The following CPQ variants were observed in gnomAD, a reference collection of about 807,000 sequenced individuals.
CPQ encodes Ser-Met dipeptidase.
A neutral mutation model predicts 45.7 loss-of-function variants in CPQ; 37 were observed. The ratio of observed to expected loss-of-function variants is 0.81; its 90% CI spans 0.62 to 1.07. CPQ has a LOEUF of 1.07. CPQ is among the 50% of genes least tolerant of loss of function. The pLI is 0.00. For synonymous variants in CPQ, 186 were observed against 205.8 expected, an observed-to-expected ratio of 0.90 and a Z score of 0.82; for missense variants, 537 against 572.9, an observed-to-expected ratio of 0.94 and a Z score of 0.64.
At chr8:96,664,568 T>G (rs1044449869) in intron 1 of CPQ, among the ~76,000 whole-genome samples, 12 of 152,178 alleles carry the variant, frequency 7.9e-5, no homozygotes, top group African/African-American at 2.7e-4. Context: ...CAGCCTTAGT[T>G]TATAGTGGCA....
chr8:96,922,466 T>C (rs1477844905), intron 4 of CPQ, among the ~76,000 whole-genome samples: 7 of 152,188 alleles, frequency 4.6e-5, no homozygotes, highest in African/African-American at 2.4e-5. Flanking sequence ...CTAATTTGTT[T>C]CTCTCTTTTG....
chr8:97,092,213 A>G (rs1454315735), intron 7 of CPQ: 1 of 152,312 alleles, frequency 6.6e-6, no homozygotes, highest in Non-Finnish European at 1.5e-5. Flanking sequence ...ATTTAGTTTT[A>G]ACACCCACTA....
At chr8:96,864,602 G>A (rs552034644) in intron 3 of CPQ, among the ~76,000 whole-genome samples, 2 of 112,508 alleles carry the variant, frequency 1.8e-5, no homozygotes, top group South Asian at 7.3e-4. Flanking sequence ...AAGATTATAG[G>A]AAACCCAAAA....
At chr8:96,793,262 C>T (rs1010764922) in intron 2 of CPQ, among the ~76,000 whole-genome samples, 1 of 152,010 alleles carries the variant, frequency 6.6e-6, no homozygotes, top group African/African-American at 2.4e-5. Context: ...AAAGACATAC[C>T]CAAGACTGGG....
chr8:96,756,334 A>T (rs10955083), intron 1 of CPQ, among the ~76,000 whole-genome samples: 1 of 151,848 alleles, frequency 6.6e-6, no homozygotes, highest in Non-Finnish European at 1.5e-5. Context: ...AGCATTCTCT[A>T]TGTCTTCCTT....
intron 7 of CPQ, among the ~76,000 whole-genome samples, chr8:97,108,093 C>A (rs1350372042): frequency 6.6e-6 from 1 of 152,184 alleles, no homozygotes; most frequent in Non-Finnish European, 1.5e-5. Flanking sequence ...ATTAAGAATG[C>A]CTTGCCAGTG....
At chr8:96,942,721 T>A (rs944721961) in intron 4 of CPQ, among the ~76,000 whole-genome samples, 1 of 152,106 alleles carries the variant, frequency 6.6e-6, no homozygotes, top group Non-Finnish European at 1.5e-5. Context: ...AACAAAAACA[T>A]GTAGATTCCT....
chr8:96,747,006 T>C (rs1343985150), intron 1 of CPQ, among the ~76,000 whole-genome samples: 1 of 152,118 alleles, frequency 6.6e-6, no homozygotes, highest in Non-Finnish European at 1.5e-5. Flanking sequence ...TAAAATTTGT[T>C]TGGGCCAGTC....
At chr8:97,112,943 G>A (rs187203956) in intron 7 of CPQ, among the ~76,000 whole-genome samples, 6 of 152,334 alleles carry the variant, frequency 3.9e-5, no homozygotes, top group East Asian at 3.9e-4. Context: ...AAGCCATTTC[G>A]GGGATAGTTT....
chr8:97,095,606 G>T (rs1811198654), intron 7 of CPQ, among the ~76,000 whole-genome samples: 1 of 152,116 alleles, frequency 6.6e-6, no homozygotes, highest in Non-Finnish European at 1.5e-5. Flanking sequence ...CTCCAGCCTG[G>T]TCTCTCATGG....
At chr8:97,013,606 G>C (rs2130443074) in intron 5 of CPQ, among the ~76,000 whole-genome samples, 1 of 152,268 alleles carries the variant, frequency 6.6e-6, no homozygotes, top group Middle Eastern at 3.4e-3. Flanking sequence ...ATATGCATAA[G>C]TTGAGAGAAA....
chr8:96,806,834 G>A (rs555046240), intron 2 of CPQ, among the ~76,000 whole-genome samples: 1 of 152,200 alleles, frequency 6.6e-6, no homozygotes, highest in African/African-American at 2.4e-5. Context: ...TGTATTCTAT[G>A]GATATGTATT....
chr8:96,751,941 T>A (rs1055938337), intron 1 of CPQ, among the ~76,000 whole-genome samples: 13 of 152,196 alleles, frequency 8.5e-5, no homozygotes, highest in African/African-American at 3.1e-4. Flanking sequence ...GAAGATGAGA[T>A]GTTTGTAGGT....
chr8:97,115,939 A>G (rs1416728310), intron 7 of CPQ, among the ~76,000 whole-genome samples: 1 of 152,194 alleles, frequency 6.6e-6, no homozygotes, highest in Non-Finnish European at 1.5e-5. Context: ...AAGTTGCAAA[A>G]GAGTATGAAA....
In CPQ at chr8:96,775,578, G is replaced by A. The variant is rs547759548; in HGVS notation, c.-34-9286G>A. 1.1e-3 allele frequency among the ~76,000 whole-genome samples: 167 copies of A among 152,256 alleles called. 1 individual carries two copies. The highest frequency in any genetic ancestry group is 3.8e-3 in the African/African-American group (159 of 41,544). ...CAAGTTCTGCACAAAACACAGCATA[G>A]TCTTCTCTTGATATACAAGATAGTT... On this transcript the variant is annotated intron_variant, in intron 1 of 7. Coordinates refer to ENST00000220763, the MANE Select transcript of CPQ (RefSeq NM_016134.4).
At chr8:96,954,703 G>A (rs376293935) in intron 4 of CPQ, among the ~76,000 whole-genome samples, 13 of 151,962 alleles carry the variant, frequency 8.6e-5, no homozygotes, top group Non-Finnish European at 1.3e-4. Flanking sequence ...CCATTAACTC[G>A]TCATTTAACA....
At chr8:96,816,061 T>C (rs1811225293) in intron 2 of CPQ, among the ~76,000 whole-genome samples, 1 of 152,026 alleles carries the variant, frequency 6.6e-6, no homozygotes, top group South Asian at 2.1e-4. Flanking sequence ...AACAATGAAG[T>C]TTGCTGCAAT....
chr8:96,812,774 T>G (rs1272513142), intron 2 of CPQ, among the ~76,000 whole-genome samples: 2 of 151,798 alleles, frequency 1.3e-5, no homozygotes, highest in African/African-American at 4.8e-5. Context: ...GACAAGCAAA[T>G]AAGAGGCTGG....
intron 6 of CPQ, among the ~76,000 whole-genome samples, chr8:97,064,549 A>G (rs1366173973): frequency 6.6e-6 from 1 of 152,224 alleles, no homozygotes; most frequent in African/African-American, 2.4e-5. Flanking sequence ...GAGCAGAAAT[A>G]TGAACAGAGT....
Sources: gnomAD v4.1 joint callset for allele counts (sites outside exome capture counted in the v4.1 genomes callset) on GRCh38, gnomAD v4.1.1 for gene constraint, MANE v1.5 for transcripts, NCBI Gene and HGNC (gene_info 2026-07-23, HGNC 2026-07-21) for gene names.